Variants in TTC28 observed in about 807,000 individuals in gnomAD.
TTC28 encodes tetratricopeptide repeat protein 28.
In TTC28, 61 loss-of-function variants were observed where a neutral mutation model predicts 198.0. The observed-to-expected ratio is 0.31, with a 90% CI of 0.25 to 0.38. The LOEUF (loss-of-function observed/expected upper bound fraction) is 0.38. Ranked by LOEUF, TTC28 falls within the 10% of genes least tolerant of loss-of-function variation. The probability of loss-of-function intolerance (pLI) is 1.00; values close to 1 mark genes in which losing one functional copy is unlikely to be tolerated. For synonymous variants in TTC28, 1,171 were observed against 1,297.8 expected (o/e 0.90, Z 2.10); for missense variants, 2,678 against 3,164.0 (o/e 0.85, Z 3.69).
chr22:28,300,807 G>A (rs186222910), intron 3 of TTC28, among the ~76,000 whole-genome samples: 2 of 152,284 alleles, frequency 1.3e-5, no homozygotes, highest in Admixed American at 6.5e-5. Context: ...AAATGACAGG[G>A]ATTGCTGAAT....
chr22:28,339,419 G>T (rs1301494740), intron 2 of TTC28, among the ~76,000 whole-genome samples: 1 of 152,186 alleles, frequency 6.6e-6, no homozygotes. Context: ...CTTCAAAGCT[G>T]TCAGACAGGG....
At chr22:27,987,507 A>G (rs1389719351) in intron 21 of TTC28, among the ~76,000 whole-genome samples, 1 of 151,960 alleles carries the variant, frequency 6.6e-6, no homozygotes, top group East Asian at 2.0e-4. Flanking sequence ...TGAGGCAGGC[A>G]GATCACTTGA....
chr22:28,317,169 G>A (rs150972994), intron 2 of TTC28, among the ~76,000 whole-genome samples: 64 of 151,406 alleles, frequency 4.2e-4, no homozygotes, highest in African/African-American at 1.4e-3. Flanking sequence ...TTGTTATAAC[G>A]GTTGCCTTTA....
At chr22:27,996,330 C>T (rs1286733145) in intron 16 of TTC28, 71 bp from the exon 17 acceptor site, 1 of 1,519,476 alleles carries the variant, frequency 6.6e-7, no homozygotes, top group East Asian at 2.5e-5. Context: ...GCTTCCAGGG[C>T]TCACTTACGC....
intron 2 of TTC28, among the ~76,000 whole-genome samples, chr22:28,377,112 T>G (rs2046423084): frequency 6.9e-6 from 1 of 145,502 alleles, no homozygotes; most frequent in African/African-American, 2.6e-5. Context: ...AAAAAACCCA[T>G]GTAATACATA....
intron 5 of TTC28, among the ~76,000 whole-genome samples, chr22:28,191,021 C>A (rs182555944): frequency 5.3e-5 from 8 of 152,294 alleles, no homozygotes; most frequent in Admixed American, 4.6e-4. Context: ...CTAGGCCTGG[C>A]AAATAACGAT....
chr22:28,100,025 C>A (rs1942097667), intron 9 of TTC28, among the ~76,000 whole-genome samples: 1 of 152,204 alleles, frequency 6.6e-6, no homozygotes, highest in Admixed American at 6.5e-5. Flanking sequence ...CAGGCTCCTC[C>A]ATCAGTGAGG....
At chr22:28,587,937 C>T (rs1259469183) in intron 2 of TTC28, among the ~76,000 whole-genome samples, 13 of 151,594 alleles carry the variant, frequency 8.6e-5, no homozygotes, top group African/African-American at 2.9e-4. Context: ...GTCAGGAGAT[C>T]GAGACCATCC....
intron 2 of TTC28, among the ~76,000 whole-genome samples, chr22:28,536,533 A>C (rs1191770268): frequency 1.3e-5 from 2 of 151,936 alleles, no homozygotes; most frequent in African/African-American, 4.8e-5. Flanking sequence ...CTGAGGCAGG[A>C]GAATGGCGTG....
intron 2 of TTC28, among the ~76,000 whole-genome samples, chr22:28,554,751 A>G (rs993946912): frequency 6.6e-6 from 1 of 152,130 alleles, no homozygotes; most frequent in Non-Finnish European, 1.5e-5. Flanking sequence ...CACACCTGTC[A>G]TCCCAGCTAC....
intron 5 of TTC28, among the ~76,000 whole-genome samples, chr22:28,242,607 G>C (rs1434756933): frequency 6.6e-6 from 1 of 152,102 alleles, no homozygotes; most frequent in Non-Finnish European, 1.5e-5. Flanking sequence ...TTAAAGAAAA[G>C]TCATTTGTTC....
chr22:28,451,693 T>A (rs569197745), intron 2 of TTC28, among the ~76,000 whole-genome samples: 1 of 152,376 alleles, frequency 6.6e-6, no homozygotes, highest in African/African-American at 2.4e-5. Context: ...TACTTACTTG[T>A]TATCTCTTTG....
chr22:28,590,451 A>C (rs2050407891), intron 2 of TTC28, among the ~76,000 whole-genome samples: 1 of 151,972 alleles, frequency 6.6e-6, no homozygotes, highest in Admixed American at 6.6e-5. Context: ...ATCTTACAGG[A>C]GGCTTCAGTA....
intron 12 of TTC28, among the ~76,000 whole-genome samples, chr22:28,057,868 T>C (rs764479332): frequency 6.6e-6 from 1 of 152,150 alleles, no homozygotes; most frequent in South Asian, 2.1e-4. Flanking sequence ...CCCCATTGTA[T>C]TGTTTTGGTA....
At chr22:28,449,006 A>C (rs1459934993) in intron 2 of TTC28, among the ~76,000 whole-genome samples, 1 of 152,214 alleles carries the variant, frequency 6.6e-6, no homozygotes, top group Non-Finnish European at 1.5e-5. Context: ...GGAGGTCAAA[A>C]GAGAAGACAG....
intron 8 of TTC28, among the ~76,000 whole-genome samples, chr22:28,104,638 C>A (rs1274857544): frequency 6.6e-6 from 1 of 152,148 alleles, no homozygotes; most frequent in Non-Finnish European, 1.5e-5. Context: ...CAAGGTCCAA[C>A]TGTGCAGCCT....
At chr22:28,391,379 A>T (rs955619630) in intron 2 of TTC28, among the ~76,000 whole-genome samples, 18 of 152,076 alleles carry the variant, frequency 1.2e-4, no homozygotes, top group Non-Finnish European at 2.6e-4. Flanking sequence ...CTGAATCTGA[A>T]TGTTGGCCTG....
chr22:28,432,973 G>A (rs1261630100), intron 2 of TTC28, among the ~76,000 whole-genome samples: 1 of 152,140 alleles, frequency 6.6e-6, no homozygotes, highest in Non-Finnish European at 1.5e-5. Flanking sequence ...AAGTGGGCCT[G>A]TCAGAACAGT....
intron 2 of TTC28, among the ~76,000 whole-genome samples, chr22:28,334,774 A>G (rs2045680667): frequency 6.6e-6 from 1 of 152,148 alleles, no homozygotes; most frequent in Admixed American, 6.5e-5. Context: ...GCAGATTGCA[A>G]ACATTTTCTC....
Sources: allele counts gnomAD v4.1 joint callset (sites outside exome capture counted in the v4.1 genomes callset), GRCh38; gene constraint gnomAD v4.1.1; transcripts MANE v1.5; gene names NCBI Gene and HGNC (gene_info 2026-07-23, HGNC 2026-07-21).